Variants in LRP1B observed in about 807,000 individuals in gnomAD.
The protein encoded by LRP1B is low-density lipoprotein receptor-related protein 1B.
Under a neutral mutation model 556.6 loss-of-function variants are expected in LRP1B, and 217 were observed. The observed-to-expected ratio is 0.39, with a 90% CI of 0.35 to 0.44. The LOEUF (loss-of-function observed/expected upper bound fraction) is 0.44, where lower values mean the gene tolerates loss of function less well. Among genes scored for constraint, LRP1B ranks in the 20% least tolerant of loss-of-function variants. The pLI, the probability that LRP1B is intolerant of heterozygous loss-of-function variation, is 1.00. For synonymous variants in LRP1B, 2,047 were observed against 1,865.8 expected, an observed-to-expected ratio of 1.10 and a Z score of -2.50; for missense variants, 5,053 against 5,620.8, an observed-to-expected ratio of 0.90 and a Z score of 3.23.
At chr2:140,628,003 A>T (rs1336472125) in intron 41 of LRP1B, among the ~76,000 whole-genome samples, 1 of 152,210 alleles carries the variant, frequency 6.6e-6, no homozygotes, top group Non-Finnish European at 1.5e-5. Flanking sequence ...AACAGTTGTT[A>T]AGCAACAGAA....
intron 3 of LRP1B, among the ~76,000 whole-genome samples, chr2:141,429,354 A>G (rs1344683521): frequency 1.3e-5 from 2 of 152,206 alleles, no homozygotes; most frequent in Non-Finnish European, 2.9e-5. Flanking sequence ...AAATTTTTTA[A>G]TGTGTAACTA....
At chr2:140,975,321 A>C (rs1334908825) in intron 18 of LRP1B, among the ~76,000 whole-genome samples, 1 of 152,118 alleles carries the variant, frequency 6.6e-6, no homozygotes, top group Non-Finnish European at 1.5e-5. Context: ...TGAGACTCAA[A>C]CCTCTCTGAA....
At chr2:140,691,747 G>A (rs962354796) in intron 41 of LRP1B, among the ~76,000 whole-genome samples, 5 of 152,134 alleles carry the variant, frequency 3.3e-5, no homozygotes, top group African/African-American at 1.2e-4. Context: ...TTCCAAACAT[G>A]CATATGTATG....
At chr2:141,309,790 T>C (rs1475473199) in intron 3 of LRP1B, among the ~76,000 whole-genome samples, 1 of 151,986 alleles carries the variant, frequency 6.6e-6, no homozygotes, top group Non-Finnish European at 1.5e-5. Context: ...CAGGTATAAC[T>C]ATGTAACAAA....
intron 43 of LRP1B, among the ~76,000 whole-genome samples, chr2:140,583,171 CTTTTTTT>C (rs1219194754): frequency 7.1e-4 from 34 of 48,048 alleles, no homozygotes; most frequent in African/African-American, 2.0e-3. Flanking sequence ...CCTTTTTTTT[CTTTTTTT>C]TTTTTTTTTT....
chr2:140,781,686 A>T (rs1010939971), intron 32 of LRP1B, among the ~76,000 whole-genome samples: 1 of 152,178 alleles, frequency 6.6e-6, no homozygotes, highest in African/African-American at 2.4e-5. Context: ...GTCACGGTTC[A>T]ATTCTTATTT....
chr2:140,607,611 C>T (rs895415427), intron 41 of LRP1B, among the ~76,000 whole-genome samples: 6 of 147,688 alleles, frequency 4.1e-5, no homozygotes, highest in Non-Finnish European at 4.5e-5. Flanking sequence ...CACATATATG[C>T]TAAACTCGAC....
chr2:141,217,122 T>C (rs1682846805), intron 6 of LRP1B, among the ~76,000 whole-genome samples: 1 of 152,062 alleles, frequency 6.6e-6, no homozygotes, highest in African/African-American at 2.4e-5. Flanking sequence ...TCATGTTAAA[T>C]TGTAATCTCC....
At chr2:142,099,437 T>C (rs1706495706) in intron 1 of LRP1B, among the ~76,000 whole-genome samples, 1 of 151,868 alleles carries the variant, frequency 6.6e-6, no homozygotes, top group Admixed American at 6.6e-5. Context: ...TTAACATGAG[T>C]TGGAGGATAA....
At chr2:141,299,032 A>C (rs941344430) in intron 3 of LRP1B, among the ~76,000 whole-genome samples, 7 of 151,962 alleles carry the variant, frequency 4.6e-5, no homozygotes, top group Non-Finnish European at 2.9e-5. Flanking sequence ...ATGTTCTGTC[A>C]GTCCATATAG....
At chr2:141,969,039 A>G (rs779544399) in intron 1 of LRP1B, among the ~76,000 whole-genome samples, 6 of 151,162 alleles carry the variant, frequency 4.0e-5, no homozygotes, top group Non-Finnish European at 7.4e-5. Context: ...AAGTTTGCCT[A>G]TATTATAGCC....
intron 2 of LRP1B, among the ~76,000 whole-genome samples, chr2:141,513,685 A>AT (rs1240423405): frequency 6.6e-6 from 1 of 151,944 alleles, no homozygotes; most frequent in Non-Finnish European, 1.5e-5. Context: ...TTATTTATTT[A>AT]TTTTTTGTTT....
rs1697022360 is a variant in LRP1B at position 140,989,442 on chromosome 2, A to G, written c.2770+90T>C. 4.2e-6 allele frequency: 6 copies of G among 1,414,976 alleles called. No homozygotes were observed. In the South Asian group the frequency reaches 7.3e-5, roughly 17 times the overall value. The allele number at this position is 1,414,976 out of a possible 1,614,324, so 87.7% of individuals were successfully genotyped here. ...CAATAATCAGATCATCAGCACTAGG[A>G]AAGTTCAGCTTAGTTCAAAGCATTT... is the stretch of plus-strand genomic sequence containing the variant. On this transcript the variant is annotated intron_variant, in intron 17 of 90. Coordinates refer to ENST00000389484, the MANE Select transcript of LRP1B (RefSeq NM_018557.3).
At chr2:141,778,722 T>G (rs1356593686) in intron 2 of LRP1B, among the ~76,000 whole-genome samples, 1 of 152,210 alleles carries the variant, frequency 6.6e-6, no homozygotes, top group African/African-American at 2.4e-5. Context: ...TCCTACACAC[T>G]TGGAACTTCT....
chr2:141,393,348 C>T (rs1217349745), intron 3 of LRP1B, among the ~76,000 whole-genome samples: 1 of 152,106 alleles, frequency 6.6e-6, no homozygotes, highest in Non-Finnish European at 1.5e-5. Context: ...AGTATGTCAA[C>T]CCTACCTTAT....
In LRP1B at chr2:142,072,677, A is replaced by G. The variant is rs189058071; in HGVS notation, c.82+57971T>C. Among the ~76,000 whole-genome samples, 21 of 152,128 alleles carry G rather than the reference A, an allele frequency of 1.4e-4. No homozygotes were observed. In the East Asian group the frequency reaches 2.7e-3, roughly 20 times the overall value. Reference sequence around the variant, plus strand: ...CAAGACAATTCTTTCAGTGTGGCCCAGGGAAGCCAAAAGATTGAACACCCC... The same window carrying G: ...CAAGACAATTCTTTCAGTGTGGCCCGGGGAAGCCAAAAGATTGAACACCCC... On this transcript the variant is annotated intron_variant, in intron 1 of 90. Coordinates refer to ENST00000389484, the MANE Select transcript of LRP1B (RefSeq NM_018557.3).
At chr2:141,026,773 T>A (rs1313726473) in intron 11 of LRP1B, among the ~76,000 whole-genome samples, 1 of 152,060 alleles carries the variant, frequency 6.6e-6, no homozygotes, top group African/African-American at 2.4e-5. Context: ...CTTACAAAAC[T>A]GAAACAGTAC....
intron 11 of LRP1B, among the ~76,000 whole-genome samples, chr2:141,037,857 C>T (rs1057196706): frequency 6.6e-6 from 1 of 151,600 alleles, no homozygotes; most frequent in East Asian, 2.0e-4. Context: ...CAAGCACAGA[C>T]ACACACAGAC....
chr2:141,314,764 C>A (rs1686936412), intron 3 of LRP1B, among the ~76,000 whole-genome samples: 1 of 146,216 alleles, frequency 6.8e-6, no homozygotes, highest in African/African-American at 2.5e-5. Flanking sequence ...GCACTCCAGC[C>A]TGGGCGACAG....
Sources: allele counts gnomAD v4.1 joint callset (sites outside exome capture counted in the v4.1 genomes callset), GRCh38; gene constraint gnomAD v4.1.1; transcripts MANE v1.5; gene names NCBI Gene and HGNC (gene_info 2026-07-23, HGNC 2026-07-21).